Variants in ECT2L observed in about 807,000 individuals in gnomAD.
ECT2L encodes epithelial cell transforming 2 like, also known as epithelial cell-transforming sequence 2 oncogene-like.
ECT2L carries 126 observed loss-of-function variants against 122.8 expected under a neutral mutation model. The ratio of observed to expected loss-of-function variants is 1.03; its 90% CI spans 0.89 to 1.19. The LOEUF (loss-of-function observed/expected upper bound fraction) is 1.19. ECT2L is among the 50% of genes most tolerant of loss of function. The probability of loss-of-function intolerance (pLI) is 0.00; values close to 1 mark genes in which losing one functional copy is unlikely to be tolerated. For missense variants in ECT2L, 1,012 were observed against 1,064.1 expected (o/e 0.95, Z 0.68); for synonymous variants, 385 against 381.8 (o/e 1.01, Z -0.10).
intron 1 of ECT2L, among the ~76,000 whole-genome samples, chr6:138,807,115 A>AT (rs199510917): frequency 0.25 from 35,578 of 144,850 alleles, 4,324 homozygotes; most frequent in East Asian, 0.41. Context: ...TCCCAGGGGT[A>AT]TTTTTTTTTT....
At chr6:138,877,007 C>T (rs943701403) in intron 14 of ECT2L, among the ~76,000 whole-genome samples, 1 of 152,186 alleles carries the variant, frequency 6.6e-6, no homozygotes, top group African/African-American at 2.4e-5. Context: ...GGGCCGGTCT[C>T]GTCCTGTGTA....
At chr6:138,897,475 C>T (rs1779255681) in intron 20 of ECT2L, among the ~76,000 whole-genome samples, 1 of 152,110 alleles carries the variant, frequency 6.6e-6, no homozygotes, top group Non-Finnish European at 1.5e-5. Context: ...TTGGTTTTCG[C>T]AGGAGGTCCT....
At chr6:138,830,586 C>G (rs1312404745) in intron 4 of ECT2L, among the ~76,000 whole-genome samples, 1 of 152,174 alleles carries the variant, frequency 6.6e-6, no homozygotes, top group East Asian at 1.9e-4. Flanking sequence ...GTCCGTATAG[C>G]TGCCTCCAAA....
intron 7 of ECT2L, 72 bp from the exon 8 acceptor site, chr6:138,846,467 A>T: frequency 7.0e-7 from 1 of 1,434,936 alleles, no homozygotes; most frequent in Non-Finnish European, 9.4e-7. Context: ...GCCCAGAGAC[A>T]TATGCTGTGT....
chr6:138,849,638 G>C (rs1351965169), intron 9 of ECT2L, among the ~76,000 whole-genome samples: 1 of 149,892 alleles, frequency 6.7e-6, no homozygotes, highest in Non-Finnish European at 1.5e-5. Context: ...GTGTGATCAC[G>C]GCTCACTGCA....
chr6:138,870,873 G>A (rs965289048), intron 13 of ECT2L, among the ~76,000 whole-genome samples: 3 of 152,148 alleles, frequency 2.0e-5, no homozygotes, highest in Admixed American at 6.5e-5. Flanking sequence ...GCTGGGCATC[G>A]TGGCATGCCT....
At position 138,851,736 on chromosome 6, in the gene ECT2L, G is replaced by C. The variant is rs150002612; in HGVS notation, c.1070-2290G>C. Among the ~76,000 whole-genome samples, 229 of 152,022 alleles carry C rather than the reference G, an allele frequency of 1.5e-3. 1 individual carries two copies. Among genetic ancestry groups the C allele is most frequent in the African/African-American group, 5.4e-3 (222 of 41,434 alleles). ...AATACTATTCCCTTATCAAATATAT[G>C]ATTTGCAAATATTTTCTCCCATTGC... On this transcript the variant is annotated intron_variant, in intron 9 of 21. Transcript: ENST00000541398.
intron 4 of ECT2L, among the ~76,000 whole-genome samples, chr6:138,826,276 T>A (rs190829233): frequency 6.6e-6 from 1 of 152,276 alleles, no homozygotes; most frequent in African/African-American, 2.4e-5. Flanking sequence ...ACTTTTAAAT[T>A]TCCCCCCAAC....
chr6:138,890,019 A>G (rs1778963057), intron 20 of ECT2L, among the ~76,000 whole-genome samples: 2 of 152,226 alleles, frequency 1.3e-5, no homozygotes, highest in African/African-American at 4.8e-5. Context: ...CAAGATATAA[A>G]TGAACAAACA....
At chr6:138,824,542 A>T (rs1336740838) in intron 4 of ECT2L, among the ~76,000 whole-genome samples, 47 of 16,826 alleles carry the variant, frequency 2.8e-3, no homozygotes, top group African/African-American at 0.013. Context: ...AAAAAGCAAT[A>T]AAAAAAAAAA....
intron 13 of ECT2L, among the ~76,000 whole-genome samples, chr6:138,874,798 G>C (rs1003624745): frequency 6.6e-6 from 1 of 152,082 alleles, no homozygotes; most frequent in Non-Finnish European, 1.5e-5. Context: ...ATCCACGCTG[G>C]AGTGCAAGAT....
intron 4 of ECT2L, among the ~76,000 whole-genome samples, chr6:138,818,544 G>A (rs189218531): frequency 2.3e-3 from 355 of 152,288 alleles, no homozygotes; most frequent in Non-Finnish European, 1.5e-3. Context: ...TTTCTGTGTG[G>A]AGATGGTAAA....
intron 13 of ECT2L, among the ~76,000 whole-genome samples, chr6:138,872,132 G>A (rs1315728306): frequency 1.3e-5 from 2 of 152,044 alleles, no homozygotes; most frequent in African/African-American, 4.8e-5. Context: ...GAGCCACCAC[G>A]CCTGGCCATC....
At chr6:138,813,829 T>C (rs1775982612) in intron 3 of ECT2L, among the ~76,000 whole-genome samples, 1 of 152,172 alleles carries the variant, frequency 6.6e-6, no homozygotes, top group Admixed American at 6.5e-5. Context: ...CTGGGTGCTC[T>C]TGTGAGTTCA....
chr6:138,902,635 C>T lies in ECT2L; in HGVS notation c.*8C>T, dbSNP rs1562501552. The stretch of plus-strand genomic sequence containing the variant: ...AGCAGTATGGAGAAGTGAGACCGAA[C>T]TTGAAAACTTCAGGGGTGCCAATTC... On this transcript the variant is annotated 3_prime_UTR_variant, in exon 22 of 22. Transcript: ENST00000541398. 1.6e-5 allele frequency: 26 copies of T among 1,613,026 alleles called. No individual in the cohort carries two copies. Among genetic ancestry groups the T allele is most frequent in the Non-Finnish European group, 2.0e-5 (24 of 1,179,604 alleles).
rs760698749 is a variant in ECT2L, at chr6:138,865,052, T to C, written c.1348T>C (p.Cys450Arg). ...AAAGGCCCCCTCTTCCATCTACTTCTGCGAATCGAAGCTACAGACGTGGTC... is the reference window on the plus strand; with the variant it reads ...AAAGGCCCCCTCTTCCATCTACTTCCGCGAATCGAAGCTACAGACGTGGTC... ...WGKAPSSIYF[C>R]ESKLQTWSSF... Residue 450 changes from cysteine (C) to arginine (R), a missense_variant, in exon 12 of 22, where the codon TGC (cysteine) becomes CGC (arginine). Cys to Arg is a radical substitution (Grantham distance 180, BLOSUM62 -3). Transcript: ENST00000541398. 1 of 1,614,090 alleles carries C rather than the reference T, an allele frequency of 6.2e-7. No individual in the cohort carries two copies.
At position 138,814,354 on chromosome 6, in the gene ECT2L, G is replaced by A. The variant is rs1775999694; in HGVS notation, c.67-137G>A. On this transcript the variant is annotated intron_variant, in intron 3 of 21. Transcript: ENST00000541398. ...AAAGGAGAGACCTTTCTCTCTATAT[G>A]TGAAAGCGCTCTGTGAACTGTAATG... 7 of 463,326 alleles carry A rather than the reference G, an allele frequency of 1.5e-5. No homozygotes were observed. In the South Asian group the frequency reaches 3.3e-4, roughly 22 times the overall value. The allele number at this position is 463,326 out of a possible 1,614,324, so 28.7% of individuals were successfully genotyped here. A position where few individuals can be genotyped will look rare whatever the true frequency, so the allele number is the denominator to read the frequency against.
chr6:138,893,019 TAC>T (rs1779083583), intron 20 of ECT2L, among the ~76,000 whole-genome samples: 5 of 152,286 alleles, frequency 3.3e-5, no homozygotes, highest in Non-Finnish European at 5.9e-5. Flanking sequence ...GTCTGAGCCT[TAC>T]AGTTATTTTA....
At chr6:138,891,062 G>C (rs1779006093) in intron 20 of ECT2L, among the ~76,000 whole-genome samples, 1 of 152,112 alleles carries the variant, frequency 6.6e-6, no homozygotes, top group African/African-American at 2.4e-5. Flanking sequence ...GGCCATGATA[G>C]GAAGGGGGGA....
Sources: gnomAD v4.1 joint callset for allele counts (sites outside exome capture counted in the v4.1 genomes callset) on GRCh38, gnomAD v4.1.1 for gene constraint, MANE v1.5 for transcripts, NCBI Gene and HGNC (gene_info 2026-07-23, HGNC 2026-07-21) for gene names.